The following ENTREP2 variants were observed in gnomAD, a reference collection of about 807,000 sequenced individuals.
The protein encoded by ENTREP2 is endosomal transmembrane epsin interactor 2.
the ENTREP2 span, among the ~76,000 whole-genome samples, chr15:29,159,529 G>C: frequency 5.9e-5 from 9 of 152,218 alleles, no homozygotes; most frequent in African/African-American, 1.9e-4. Flanking sequence ...ATTTTACAGA[G>C]AGCCGATTGG....
the ENTREP2 span, among the ~76,000 whole-genome samples, chr15:29,463,182 C>T: frequency 2.0e-5 from 3 of 152,194 alleles, no homozygotes; most frequent in East Asian, 5.8e-4. Flanking sequence ...GCCACTGGGG[C>T]CCCAGGAGGC....
At chr15:29,454,495 T>G in the ENTREP2 span, among the ~76,000 whole-genome samples, 2 of 152,188 alleles carry the variant, frequency 1.3e-5, no homozygotes, top group Non-Finnish European at 2.9e-5. Context: ...GGATCCAGAC[T>G]CAGCTCCCCC....
the ENTREP2 span, among the ~76,000 whole-genome samples, chr15:29,504,616 C>T: frequency 6.6e-6 from 1 of 152,160 alleles, no homozygotes; most frequent in Non-Finnish European, 1.5e-5. Context: ...TGAATTCTGC[C>T]TCGTGCTTTT....
At chr15:29,207,009 A>C in the ENTREP2 span, among the ~76,000 whole-genome samples, 1 of 152,130 alleles carries the variant, frequency 6.6e-6, no homozygotes, top group Non-Finnish European at 1.5e-5. Context: ...CATGCTCCGT[A>C]GGTTGGATGA....
At chr15:29,282,055 T>G in the ENTREP2 span, among the ~76,000 whole-genome samples, 2 of 152,158 alleles carry the variant, frequency 1.3e-5, no homozygotes, top group Non-Finnish European at 2.9e-5. Flanking sequence ...AGTCAGGATT[T>G]GTTTGGAAGC....
At chr15:29,230,724 A>C in the ENTREP2 span, among the ~76,000 whole-genome samples, 1 of 152,172 alleles carries the variant, frequency 6.6e-6, no homozygotes, top group African/African-American at 2.4e-5. Flanking sequence ...AGAGTGTTAA[A>C]AGAAATGAAG....
At chr15:29,396,757 C>G in the ENTREP2 span, among the ~76,000 whole-genome samples, 7 of 152,116 alleles carry the variant, frequency 4.6e-5, no homozygotes, top group African/African-American at 1.7e-4. Context: ...ATGTTTAGGT[C>G]TTTAATCCAT....
chr15:29,324,851 C>T, the ENTREP2 span, among the ~76,000 whole-genome samples: 1 of 152,178 alleles, frequency 6.6e-6, no homozygotes, highest in Non-Finnish European at 1.5e-5. Context: ...GATACATCAT[C>T]AACATCTATA....
chr15:29,191,327 T>A, the ENTREP2 span, among the ~76,000 whole-genome samples: 1 of 152,182 alleles, frequency 6.6e-6, no homozygotes, highest in Non-Finnish European at 1.5e-5. Flanking sequence ...GTTAGGAATC[T>A]GCCTTAGTGC....
chr15:29,148,805 T>A, the ENTREP2 span, among the ~76,000 whole-genome samples: 1 of 152,144 alleles, frequency 6.6e-6, no homozygotes, highest in African/African-American at 2.4e-5. Flanking sequence ...TTTTCTGTGT[T>A]TTTAAAGTGG....
At chr15:29,323,297 T>G in the ENTREP2 span, among the ~76,000 whole-genome samples, 1 of 152,030 alleles carries the variant, frequency 6.6e-6, no homozygotes, top group Non-Finnish European at 1.5e-5. Context: ...TGATCACCAA[T>G]AGCCAGTGGT....
the ENTREP2 span, chr15:29,123,225 A>C: frequency 2.7e-5 from 31 of 1,145,332 alleles, no homozygotes; most frequent in East Asian, 6.8e-4. Context: ...TGTCCCCCCC[A>C]CATTTATCCT....
At chr15:29,135,133 G>A in the ENTREP2 span, among the ~76,000 whole-genome samples, 12 of 149,676 alleles carry the variant, frequency 8.0e-5, no homozygotes, top group Non-Finnish European at 1.6e-4. This position sits in a 1 kb window ranked among gnomAD's most constrained non-coding sequence, Gnocchi z 7.4. Flanking sequence ...CCCCTCCCTG[G>A]TGAATCTGCA....
the ENTREP2 span, among the ~76,000 whole-genome samples, chr15:29,217,555 TTTCCAGAGCACTTTGCA>T: frequency 2.0e-5 from 3 of 152,236 alleles, no homozygotes; most frequent in Non-Finnish European, 4.4e-5. Context: ...TTCCTGAGAC[TTTCCAGAGCACTTTGCA>T]TTTCTATAAG....
chr15:29,649,892 A>C, the ENTREP2 span, among the ~76,000 whole-genome samples: 1 of 152,172 alleles, frequency 6.6e-6, no homozygotes, highest in South Asian at 2.1e-4. Flanking sequence ...CAAAATGCAC[A>C]ACAGAGCTTC....
chr15:29,354,850 C>A, the ENTREP2 span, among the ~76,000 whole-genome samples: 1 of 152,284 alleles, frequency 6.6e-6, no homozygotes, highest in Non-Finnish European at 1.5e-5. Context: ...AAAATATTTT[C>A]TGTAGAGCAG....
chr15:29,327,691 T>C, the ENTREP2 span, among the ~76,000 whole-genome samples: 2 of 152,058 alleles, frequency 1.3e-5, no homozygotes, highest in South Asian at 2.1e-4. Flanking sequence ...TCAATATCAT[T>C]TGCCAGTAGG....
At chr15:29,516,890 A>G in the ENTREP2 span, among the ~76,000 whole-genome samples, 1 of 147,040 alleles carries the variant, frequency 6.8e-6, no homozygotes, top group Non-Finnish European at 1.5e-5. Flanking sequence ...ATATTGAGGA[A>G]TTTATTCCTA....
At chr15:29,436,116 A>G in the ENTREP2 span, among the ~76,000 whole-genome samples, 1 of 152,208 alleles carries the variant, frequency 6.6e-6, no homozygotes, top group East Asian at 1.9e-4. Flanking sequence ...CTGCCATTCC[A>G]TCGGGCAGTT....
Sources: allele counts gnomAD v4.1 joint callset (sites outside exome capture counted in the v4.1 genomes callset), GRCh38; gene constraint gnomAD v4.1.1; non-coding constraint Gnocchi (gnomAD v3.1); transcripts MANE v1.5; gene names NCBI Gene and HGNC (gene_info 2026-07-23, HGNC 2026-07-21).